Variants in TXNRD1 observed in about 807,000 individuals in gnomAD.
TXNRD1 encodes the protein thioredoxin reductase 1.
Under a neutral mutation model 80.3 loss-of-function variants are expected in TXNRD1, and 57 were observed. That is an observed-to-expected ratio of 0.71 (90% confidence interval 0.57 to 0.89). TXNRD1 has a LOEUF of 0.89. TXNRD1 is among the 40% of genes least tolerant of loss of function. The pLI is 0.00. For missense variants in TXNRD1, 730 were observed against 803.0 expected (o/e 0.91, Z 1.10); for synonymous variants, 291 against 285.2 (o/e 1.02, Z -0.20).
At chr12:104,227,669 A>G (rs1017041594) in intron 1 of TXNRD1, among the ~76,000 whole-genome samples, 1 of 152,176 alleles carries the variant, frequency 6.6e-6, no homozygotes, top group African/African-American at 2.4e-5. Flanking sequence ...CTTTGTGGTT[A>G]CAGCCTCCCC....
At chr12:104,323,399 G>T (rs1282309894) in intron 10 of TXNRD1, among the ~76,000 whole-genome samples, 1 of 147,364 alleles carries the variant, frequency 6.8e-6, no homozygotes, top group Non-Finnish European at 1.5e-5. Context: ...CTGGCCGGGC[G>T]GGGGGCTGAC....
intron 3 of TXNRD1, chr12:104,265,388 T>G (rs1188976325): frequency 1.2e-6 from 2 of 1,607,040 alleles, no homozygotes; most frequent in Non-Finnish European, 1.7e-6. Flanking sequence ...ACGCCGCCCC[T>G]CTACCGCATG....
At position 104,348,476 on chromosome 12, in the gene TXNRD1, C is replaced by G; in HGVS notation, c.*55C>G. The G allele has an allele frequency of 1.3e-6, 2 of 1,585,456 alleles. No individual in the cohort carries two copies. The highest frequency in any genetic ancestry group is 1.7e-4 in the Middle Eastern group (1 of 5,986). ...GCAAACCACTGGCTCGTTTCCGTGC[C>G]CAAATCCAAGGCGAAGTTTTCTAGA... On this transcript the variant is annotated 3_prime_UTR_variant, in exon 17 of 17. Transcript: ENST00000525566.
At chr12:104,299,389 T>C (rs1335574837) in intron 4 of TXNRD1, among the ~76,000 whole-genome samples, 2 of 151,712 alleles carry the variant, frequency 1.3e-5, no homozygotes, top group African/African-American at 2.4e-5. Flanking sequence ...AATACAGATA[T>C]CTGTCTTATC....
At chr12:104,289,245 G>A in intron 4 of TXNRD1, 1 of 506,674 alleles carries the variant, frequency 2.0e-6, no homozygotes, top group Admixed American at 3.4e-5. Context: ...CGGGAAACTT[G>A]AAATTTCTAA....
chr12:104,304,717 T>C (rs201650501), intron 4 of TXNRD1: 1 of 1,613,630 alleles, frequency 6.2e-7, no homozygotes, highest in Non-Finnish European at 8.5e-7. Flanking sequence ...ATATATTTTA[T>C]GTTTCTTTTA....
At chr12:104,290,786 A>G (rs937849647) in intron 4 of TXNRD1, among the ~76,000 whole-genome samples, 2 of 111,554 alleles carry the variant, frequency 1.8e-5, no homozygotes, top group Non-Finnish European at 3.6e-5. Context: ...TGATTATTCT[A>G]TTATTTTCAC....
At chr12:104,307,799 T>TG (rs2034982552) in intron 4 of TXNRD1, among the ~76,000 whole-genome samples, 1 of 152,156 alleles carries the variant, frequency 6.6e-6, no homozygotes, top group Admixed American at 6.5e-5. Flanking sequence ...GGAGTGGGTC[T>TG]GGGGAAAGGG....
At chr12:104,333,653 C>A (rs1320009829) in intron 14 of TXNRD1, among the ~76,000 whole-genome samples, 3 of 152,120 alleles carry the variant, frequency 2.0e-5, no homozygotes, top group African/African-American at 7.2e-5. Flanking sequence ...AAAAAAAAAT[C>A]CATTTAGTCA....
At chr12:104,222,183 T>C (rs2032371405) in intron 1 of TXNRD1, among the ~76,000 whole-genome samples, 3 of 152,150 alleles carry the variant, frequency 2.0e-5, no homozygotes, top group Admixed American at 6.6e-5. Flanking sequence ...TCTGTGAATG[T>C]GTAGAATAAT....
Position 104,323,306 on chromosome 12 carries a change from A to G in TXNRD1, c.1215+1990A>G, listed in dbSNP as rs1269076789. 1.5e-4 allele frequency among the ~76,000 whole-genome samples: 22 copies of G among 150,186 alleles called. No homozygotes were observed. In the East Asian group the frequency reaches 4.0e-3, roughly 27 times the overall value. ...CCATTGTCATCCTGGCCCGTTCTCA[A>G]TGAGCTGTTGGGCACACCTCCCAGA... On this transcript the variant is annotated intron_variant, in intron 10 of 16. Coordinates refer to ENST00000525566, the MANE Select transcript of TXNRD1 (RefSeq NM_001093771.3).
intron 3 of TXNRD1, among the ~76,000 whole-genome samples, chr12:104,281,994 G>A (rs1421561723): frequency 1.3e-5 from 2 of 152,158 alleles, no homozygotes; most frequent in African/African-American, 4.8e-5. Flanking sequence ...TAGGGCTTTA[G>A]TATGTTGAAG....
Position 104,313,333 on chromosome 12 carries a change from AC to A in TXNRD1, c.610+17del. 1 of 1,557,270 alleles carries A rather than the reference AC, an allele frequency of 6.4e-7. No homozygotes were observed. The highest frequency in any genetic ancestry group is 1.9e-5 in the Admixed American group (1 of 52,456). On this transcript the variant is annotated intron_variant, in intron 6 of 16. Coordinates refer to ENST00000525566, the MANE Select transcript of TXNRD1 (RefSeq NM_001093771.3). ...ACTAGATGGGGTAAGCTTTTAAGAT[AC>A]TCTAGAAGTGATGTTGCCGAAGTAG...
At chr12:104,329,678 T>C (rs1408309486) in intron 13 of TXNRD1, among the ~76,000 whole-genome samples, 12 of 152,126 alleles carry the variant, frequency 7.9e-5, no homozygotes, top group African/African-American at 2.2e-4. Flanking sequence ...TAAAATAAAT[T>C]CATGGATCTT....
At chr12:104,289,187 C>A (rs2034088578) in intron 4 of TXNRD1, 147 bp downstream of exon 4, 2 of 881,590 alleles carry the variant, frequency 2.3e-6, no homozygotes, top group Non-Finnish European at 3.3e-6. Flanking sequence ...CGTGGGCTAG[C>A]GCATGTGTTA....
intron 1 of TXNRD1, among the ~76,000 whole-genome samples, chr12:104,247,142 A>G (rs10400561): frequency 0.83 from 126,603 of 152,066 alleles, 52,783 homozygotes; most frequent in East Asian, 0.89. Context: ...ACCTCAGCTC[A>G]CTGCAAACTA....
intron 4 of TXNRD1, chr12:104,309,828 C>T (rs1019772257): frequency 2.6e-6 from 4 of 1,535,176 alleles, no homozygotes; most frequent in Non-Finnish European, 3.5e-6. Flanking sequence ...TTACCAGCCT[C>T]TTGTGCTAGA....
Position 104,215,786 on chromosome 12 carries a change from A to G in TXNRD1, c.-17A>G. 1.3e-6 allele frequency: 2 copies of G among 1,551,252 alleles called. No individual in the cohort carries two copies. On this transcript the variant is annotated 5_prime_UTR_variant, in exon 1 of 17. Transcript: ENST00000525566. ...GCGTCCTTCGGCTCCGTCAGTTCCC[A>G]CAGGGCCTTGTGCGACATGGGCTGC... is the stretch of plus-strand genomic sequence containing the variant.
At chr12:104,272,771 A>C (rs2033677638) in intron 3 of TXNRD1, among the ~76,000 whole-genome samples, 1 of 151,238 alleles carries the variant, frequency 6.6e-6, no homozygotes, top group Admixed American at 6.6e-5. Context: ...TAGCCTGGGC[A>C]ACAGAGTGAG....
Sources: gnomAD v4.1 joint callset for allele counts (sites outside exome capture counted in the v4.1 genomes callset) on GRCh38, gnomAD v4.1.1 for gene constraint, MANE v1.5 for transcripts, NCBI Gene and HGNC (gene_info 2026-07-23, HGNC 2026-07-21) for gene names.